TP63: variants seen among roughly 807,000 people sequenced by gnomAD.
TP63 encodes the protein tumor protein 63.
TP63 carries 17 observed loss-of-function variants against 82.8 expected under a neutral mutation model. That is an observed-to-expected ratio of 0.21 (90% CI 0.14 to 0.31). The LOEUF is 0.31. TP63 is among the 10% of genes least tolerant of loss of function. The pLI is 1.00. For missense variants in TP63, 648 were observed against 895.3 expected (o/e 0.72, Z 3.52); for synonymous variants, 330 against 321.7 (o/e 1.03, Z -0.28).
At chr3:189,660,705 T>C (rs1264984473) in intron 1 of TP63, among the ~76,000 whole-genome samples, 1 of 151,980 alleles carries the variant, frequency 6.6e-6, no homozygotes, top group Non-Finnish European at 1.5e-5. Flanking sequence ...CATGGAATGT[T>C]TTTTTTCATT....
In TP63 at chr3:189,819,009, G is replaced by A. The variant is rs566524953; in HGVS notation, c.579+10483G>A. Reference sequence around the variant, plus strand: ...TATAACCTTTCTATACAAAACCATGGATTTAGTGAATAAAGCATTTGGAAG... The same window carrying A: ...TATAACCTTTCTATACAAAACCATGAATTTAGTGAATAAAGCATTTGGAAG... On this transcript the variant is annotated intron_variant, in intron 4 of 13. Coordinates refer to ENST00000264731, the MANE Select transcript of TP63 (RefSeq NM_003722.5). 9.7e-4 allele frequency among the ~76,000 whole-genome samples: 148 copies of A among 152,246 alleles called. 1 individual carries two copies. The Middle Eastern group carries it at 0.014, about 14-fold the overall frequency.
chr3:189,630,933 G>GA (rs1038582677), upstream of TP63, among the ~76,000 whole-genome samples: 2 of 151,858 alleles, frequency 1.3e-5, no homozygotes, highest in African/African-American at 2.4e-5. Flanking sequence ...GGAAATAGAT[G>GA]AAAAAACAAA....
chr3:189,629,907 ATAAT>A (rs1220280371), upstream of TP63, among the ~76,000 whole-genome samples: 5 of 152,312 alleles, frequency 3.3e-5, no homozygotes, highest in Admixed American at 1.3e-4. Context: ...TAACAAATCT[ATAAT>A]TAATTAGTTA....
intron 4 of TP63, among the ~76,000 whole-genome samples, chr3:189,826,039 T>C (rs777835470): frequency 6.6e-6 from 1 of 151,938 alleles, no homozygotes; most frequent in African/African-American, 2.4e-5. Context: ...AAGAAAAAAA[T>C]AGGAAATGGT....
Position 189,897,130 on chromosome 3 carries a change from T to C in TP63, c.*2628T>C. 1 of 223,482 alleles carries C rather than the reference T, an allele frequency of 4.5e-6. No individual in the cohort carries two copies. Among genetic ancestry groups the C allele is most frequent in the Non-Finnish European group, 9.0e-6 (1 of 111,702 alleles). 13.8% of individuals were successfully genotyped at this position (223,482 alleles called of 1,614,324 possible). ...TAATGTTTTCAAAAGGTATTATACA[T>C]GTGATACATTTTTTAAGCTTCAGTT... is the stretch of plus-strand genomic sequence containing the variant. On this transcript the variant is annotated 3_prime_UTR_variant, in exon 14 of 14. Transcript: ENST00000264731.
chr3:189,665,508 A>T (rs1714304225), intron 1 of TP63, among the ~76,000 whole-genome samples: 1 of 152,108 alleles, frequency 6.6e-6, no homozygotes, highest in South Asian at 2.1e-4. Context: ...AAGTGAATGT[A>T]ATATTTGATG....
intron 9 of TP63, among the ~76,000 whole-genome samples, chr3:189,872,012 C>T (rs1395270341): frequency 6.6e-6 from 1 of 152,132 alleles, no homozygotes; most frequent in African/African-American, 2.4e-5. Flanking sequence ...CTGGCCCCTG[C>T]TCATAATTGT....
At chr3:189,657,238 C>T (rs1713464092) in intron 1 of TP63, among the ~76,000 whole-genome samples, 1 of 151,970 alleles carries the variant, frequency 6.6e-6, no homozygotes, top group African/African-American at 2.4e-5. Flanking sequence ...GGCAGTGAAA[C>T]TATTCTGTAT....
At chr3:189,697,536 T>A (rs1717482122) in intron 1 of TP63, among the ~76,000 whole-genome samples, 2 of 152,046 alleles carry the variant, frequency 1.3e-5, no homozygotes, top group Middle Eastern at 3.4e-3. Flanking sequence ...AGATCATTTG[T>A]CTCTCCACAT....
At chr3:189,605,302 G>A in the TP63 span, among the ~76,000 whole-genome samples, 13 of 152,304 alleles carry the variant, frequency 8.5e-5, no homozygotes, top group South Asian at 2.7e-3. Flanking sequence ...CACATTATTA[G>A]TAAAAATTTT....
At chr3:189,795,857 T>G (rs1725647351) in intron 3 of TP63, among the ~76,000 whole-genome samples, 1 of 152,036 alleles carries the variant, frequency 6.6e-6, no homozygotes, top group South Asian at 2.1e-4. Flanking sequence ...GAATGATTCC[T>G]TAGGCTGAAA....
intron 4 of TP63, among the ~76,000 whole-genome samples, chr3:189,820,270 T>C (rs552665939): frequency 6.6e-6 from 1 of 152,346 alleles, no homozygotes; most frequent in Non-Finnish European, 1.5e-5. Flanking sequence ...CAAGGAACTA[T>C]AGACTTCTTG....
chr3:189,754,762 CTT>C (rs1722063209), intron 3 of TP63, among the ~76,000 whole-genome samples: 1 of 152,134 alleles, frequency 6.6e-6, no homozygotes, highest in African/African-American at 2.4e-5. Flanking sequence ...TTTTCCTTCT[CTT>C]CTCTTCCTAC....
intron 3 of TP63, among the ~76,000 whole-genome samples, chr3:189,772,019 A>T (rs1723416632): frequency 6.6e-6 from 1 of 152,164 alleles, no homozygotes; most frequent in South Asian, 2.1e-4. Context: ...GTTTGGAAAC[A>T]CTCCCTTGAT....
intron 3 of TP63, among the ~76,000 whole-genome samples, chr3:189,763,210 G>T (rs1212202342): frequency 1.3e-5 from 2 of 152,118 alleles, no homozygotes; most frequent in Non-Finnish European, 2.9e-5. Context: ...GGAGGTCAAG[G>T]CTGCAGTGAT....
At chr3:189,880,570 CA>C in intron 10 of TP63, 1 of 987,592 alleles carries the variant, frequency 1.0e-6, no homozygotes, top group Non-Finnish European at 1.2e-6. Context: ...AGCTTTTGAG[CA>C]GGTCTCAAAC....
intron 3 of TP63, among the ~76,000 whole-genome samples, chr3:189,771,306 A>G (rs1230489098): frequency 3.6e-5 from 5 of 138,678 alleles, no homozygotes; most frequent in African/African-American, 1.3e-4. Flanking sequence ...ATATTTATAT[A>G]TATAATATAT....
At chr3:189,885,436 G>C (rs547782026) in intron 10 of TP63, among the ~76,000 whole-genome samples, 1 of 152,292 alleles carries the variant, frequency 6.6e-6, no homozygotes, top group African/African-American at 2.4e-5. Context: ...AGTTTATATA[G>C]TTTTCTTGTG....
At chr3:189,884,707 C>T (rs1465570666) in intron 10 of TP63, among the ~76,000 whole-genome samples, 7 of 152,054 alleles carry the variant, frequency 4.6e-5, no homozygotes, top group Non-Finnish European at 1.0e-4. Flanking sequence ...TTGATAAGGG[C>T]TAAAGAGAAA....
Sources: allele counts gnomAD v4.1 joint callset (sites outside exome capture counted in the v4.1 genomes callset), GRCh38; gene constraint gnomAD v4.1.1; transcripts MANE v1.5; gene names NCBI Gene and HGNC (gene_info 2026-07-23, HGNC 2026-07-21).